HPS4: variants seen among roughly 807,000 people sequenced by gnomAD.
The protein encoded by HPS4 is HPS4 biogenesis of lysosomal organelles complex 3 subunit 2.
A neutral mutation model predicts 70.3 loss-of-function variants in HPS4; 44 were observed. The observed-to-expected ratio is 0.63, with a 90% confidence interval of 0.49 to 0.80. The LOEUF is 0.80. HPS4 is among the 30% of genes least tolerant of loss of function. The probability of loss-of-function intolerance (pLI) is 0.00; values close to 1 mark genes in which losing one functional copy is unlikely to be tolerated. For synonymous variants in HPS4, 377 were observed against 355.9 expected, an observed-to-expected ratio of 1.06 and a Z score of -0.67; for missense variants, 873 against 884.4, an observed-to-expected ratio of 0.99 and a Z score of 0.16.
At chr22:26,450,760 C>T (rs2085125156), downstream of HPS4, among the ~76,000 whole-genome samples, 1 of 152,220 alleles carries the variant, frequency 6.6e-6, no homozygotes, top group Admixed American at 6.5e-5. Flanking sequence ...TCCCCCCTTT[C>T]ACTCTGCACT....
intron 2 of HPS4, 62 bp downstream of exon 2, chr22:26,481,660 A>T: frequency 2.7e-6 from 4 of 1,471,950 alleles, no homozygotes; most frequent in Non-Finnish European, 3.8e-6. Flanking sequence ...ATTTTCAATT[A>T]ACCCCAAAAC....
At chr22:26,470,847 C>T in intron 6 of HPS4, 34 bp from the exon 7 acceptor site, 1 of 1,613,456 alleles carries the variant, frequency 6.2e-7, no homozygotes, top group Non-Finnish European at 8.5e-7. Context: ...GCCCACCCAT[C>T]AGCATGCTCA....
At chr22:26,458,177 C>T (rs943576377) in intron 12 of HPS4, among the ~76,000 whole-genome samples, 12 of 152,236 alleles carry the variant, frequency 7.9e-5, no homozygotes, top group Non-Finnish European at 1.6e-4. Context: ...TCTCAACATT[C>T]TGAGACAAAC....
rs1365017126 is a variant in HPS4 at position 26,451,479 on chromosome 22, G to A, written c.*1754C>T. On this transcript the variant is annotated 3_prime_UTR_variant, in exon 14 of 14. Coordinates refer to ENST00000398145, the MANE Select transcript of HPS4 (RefSeq NM_022081.6). ...GGAAAGAAAGGGGCACACCTGCAAA[G>A]TGAAGTTTCAGGACTTTACTTTTTC... 2.0e-5 allele frequency: 3 copies of A among 152,248 alleles called. No homozygotes were observed. The highest frequency in any genetic ancestry group is 4.4e-5 in the Non-Finnish European group (3 of 68,054). 9.4% of individuals were successfully genotyped at this position (152,248 alleles called of 1,614,324 possible).
intron 2 of HPS4, among the ~76,000 whole-genome samples, chr22:26,481,298 T>C (rs1346128633): frequency 6.6e-6 from 1 of 152,176 alleles, no homozygotes; most frequent in Non-Finnish European, 1.5e-5. Flanking sequence ...TTAACGCATT[T>C]AGGGTTGAGA....
Position 26,468,982 on chromosome 22 carries a change from C to T in HPS4, c.597-359G>A, listed in dbSNP as rs377338339. Among the ~76,000 whole-genome samples the T allele has an allele frequency of 9.2e-5, 14 of 152,210 alleles. No homozygotes were observed. The East Asian group carries it at 2.5e-3, about 27-fold the overall frequency. ...AGTCCTCATAAGAATGAGGTAGACCCATATGAACCGGTAAGGAAATCTTCA... is the reference window on the plus strand; with the variant it reads ...AGTCCTCATAAGAATGAGGTAGACCTATATGAACCGGTAAGGAAATCTTCA... On this transcript the variant is annotated intron_variant, in intron 7 of 13. Transcript: ENST00000398145.
At chr22:26,448,337 A>G (rs1947052930), downstream of HPS4, among the ~76,000 whole-genome samples, 1 of 152,202 alleles carries the variant, frequency 6.6e-6, no homozygotes, top group Admixed American at 6.5e-5. Context: ...CAGAAAAGCA[A>G]CTTGCCCTGA....
In HPS4 at chr22:26,458,558, GAAGCCAGGCTGCTGTGGTACTGCA is replaced by G; in HGVS notation, c.1714-5_1732del. The G allele has an allele frequency of 1.9e-6, 3 of 1,614,144 alleles. No individual in the cohort carries two copies. The highest frequency in any genetic ancestry group is 2.5e-6 in the Non-Finnish European group (3 of 1,180,012). ...CAGGTGGACTTCCAGCCCATTCAGTGAAGCCAGGCTGCTGTGGTACTGCAAAGGGGGAGAGGGTCATGGGCTTGT... is the reference window on the plus strand; with the variant it reads ...CAGGTGGACTTCCAGCCCATTCAGTGAAGGGGGAGAGGGTCATGGGCTTGT... On this transcript the variant is annotated splice_acceptor_variant and splice_polypyrimidine_tract_variant and coding_sequence_variant and intron_variant, in exon 12 of 14. Coordinates refer to ENST00000398145, the MANE Select transcript of HPS4 (RefSeq NM_022081.6). LOFTEE classifies it high-confidence loss of function.
chr22:26,447,514 C>T (rs1396602465), downstream of HPS4, among the ~76,000 whole-genome samples: 1 of 152,072 alleles, frequency 6.6e-6, no homozygotes, highest in Non-Finnish European at 1.5e-5. Flanking sequence ...GCTATTATGT[C>T]GTGGTCTGGG....
chr22:26,474,808 G>C (rs753012858), intron 4 of HPS4, among the ~76,000 whole-genome samples: 2 of 152,164 alleles, frequency 1.3e-5, no homozygotes, highest in Non-Finnish European at 1.5e-5. Context: ...TATTCAAGTG[G>C]TCATTAAGCA....
chr22:26,457,469 G>A (rs1325713872), intron 13 of HPS4, among the ~76,000 whole-genome samples: 2 of 152,028 alleles, frequency 1.3e-5, no homozygotes, highest in Non-Finnish European at 1.5e-5. Context: ...CCCCTGCCTC[G>A]CAAAGTGCTG....
intron 4 of HPS4, among the ~76,000 whole-genome samples, chr22:26,473,431 C>G (rs1232965577): frequency 6.6e-6 from 1 of 152,198 alleles, no homozygotes; most frequent in Admixed American, 6.5e-5. Context: ...TCTTCCCAGT[C>G]CTAGATCTCC....
intron 4 of HPS4, 129 bp downstream of exon 4, chr22:26,476,864 G>A (rs1441393643): frequency 1.8e-5 from 17 of 964,788 alleles, no homozygotes; most frequent in South Asian, 4.0e-5. Context: ...AAGCGAGGGT[G>A]ATTACTAAAC....
At chr22:26,467,862 T>C (rs896151038) in intron 8 of HPS4, 2 of 152,312 alleles carry the variant, frequency 1.3e-5, no homozygotes, top group Non-Finnish European at 2.9e-5. Context: ...AAATATAAAA[T>C]GGAAGTATTT....
downstream of HPS4, among the ~76,000 whole-genome samples, chr22:26,448,937 A>G (rs2085045363): frequency 6.6e-6 from 1 of 152,194 alleles, no homozygotes; most frequent in East Asian, 1.9e-4. Flanking sequence ...ATCAAGAAGC[A>G]AAGCAGGAGA....
Position 26,481,965 on chromosome 22 carries a change from G to C in HPS4, c.-203C>G. ...ACTTCCCTTCCTTGCAGGTTCTTCAGTTTCATGTATATTTCCATGCCTCTT... is the reference window on the plus strand; with the variant it reads ...ACTTCCCTTCCTTGCAGGTTCTTCACTTTCATGTATATTTCCATGCCTCTT... On this transcript the variant is annotated 5_prime_UTR_variant, in exon 2 of 14. Coordinates refer to ENST00000398145, the MANE Select transcript of HPS4 (RefSeq NM_022081.6). The C allele has an allele frequency of 1.6e-5, 10 of 606,148 alleles. No homozygotes were observed. The highest frequency in any genetic ancestry group is 6.0e-6 in the Non-Finnish European group (2 of 335,060). The allele number at this position is 606,148 out of a possible 1,614,324, so 37.5% of individuals were successfully genotyped here.
At chr22:26,463,694 A>C (rs2087795071) in intron 11 of HPS4, among the ~76,000 whole-genome samples, 1 of 152,200 alleles carries the variant, frequency 6.6e-6, no homozygotes, top group African/African-American at 2.4e-5. Flanking sequence ...GTTGGATGCC[A>C]ATGCACCACC....
At chr22:26,471,026 T>C in intron 6 of HPS4, 1 of 955,324 alleles carries the variant, frequency 1.0e-6, no homozygotes. Flanking sequence ...GCCAAATTCT[T>C]AGAACAAGGA....
Position 26,464,614 on chromosome 22 carries a change from G to A in HPS4, c.1016C>T (p.Ala339Val). The change falls in exon 11 of 14, where the codon GCA becomes GTA. Residue 339 changes from alanine (A) to valine (V), a missense_variant. Coordinates refer to ENST00000398145, the MANE Select transcript of HPS4 (RefSeq NM_022081.6). ...SGHDLESIRP[A>V]GLHNSARGEV... ...ACCCCTGGCAGAGTTGTGCAGTCCT[G>A]CGGGCCTGATGCTCTCCAGATCATG... 1 of 1,614,222 alleles carries A rather than the reference G, an allele frequency of 6.2e-7. No individual in the cohort carries two copies. Among genetic ancestry groups the A allele is most frequent in the African/African-American group, 1.3e-5 (1 of 75,058 alleles).
Sources: allele counts gnomAD v4.1 joint callset (sites outside exome capture counted in the v4.1 genomes callset), GRCh38; gene constraint gnomAD v4.1.1; transcripts MANE v1.5; gene names NCBI Gene and HGNC (gene_info 2026-07-23, HGNC 2026-07-21).